The following PLXDC2 variants were observed in gnomAD, a reference collection of about 807,000 sequenced individuals.
PLXDC2 encodes the protein plexin domain-containing protein 2.
PLXDC2 carries 40 observed loss-of-function variants against 68.9 expected under a neutral mutation model. The ratio of observed to expected loss-of-function variants is 0.58; its 90% confidence interval spans 0.45 to 0.76. The LOEUF is 0.76. Ranked by LOEUF, PLXDC2 falls within the 30% of genes least tolerant of loss-of-function variation. PLXDC2 has a pLI of 0.00. For synonymous variants in PLXDC2, 243 were observed against 234.2 expected, an observed-to-expected ratio of 1.04 and a Z score of -0.34; for missense variants, 644 against 661.9, an observed-to-expected ratio of 0.97 and a Z score of 0.30.
At chr10:20,021,581 C>A (rs12761089) in intron 2 of PLXDC2, among the ~76,000 whole-genome samples, 1 of 152,076 alleles carries the variant, frequency 6.6e-6, no homozygotes, top group South Asian at 2.1e-4. Context: ...AATAAGGCCA[C>A]CCCCTCTTGT....
At chr10:20,096,970 A>C (rs1204021927) in intron 4 of PLXDC2, among the ~76,000 whole-genome samples, 1 of 152,158 alleles carries the variant, frequency 6.6e-6, no homozygotes, top group Non-Finnish European at 1.5e-5. Flanking sequence ...AAATTTCAGA[A>C]CAACAGTTTT....
At chr10:19,984,244 G>A (rs925265056) in intron 1 of PLXDC2, among the ~76,000 whole-genome samples, 6 of 152,110 alleles carry the variant, frequency 3.9e-5, no homozygotes, top group Non-Finnish European at 7.4e-5. Context: ...CTGGTGTTGG[G>A]GCAGGTGTGT....
intron 13 of PLXDC2, among the ~76,000 whole-genome samples, chr10:20,259,617 G>T (rs1835784965): frequency 6.6e-6 from 1 of 152,168 alleles, no homozygotes; most frequent in African/African-American, 2.4e-5. Flanking sequence ...GTGAGAGAAA[G>T]CAAAGGGAAT....
Position 20,280,264 on chromosome 10 carries a change from A to G in PLXDC2, c.*445A>G, listed in dbSNP as rs2119399342. 6.5e-6 allele frequency: 1 copy of G among 154,408 alleles called. No homozygotes were observed. Among genetic ancestry groups the G allele is most frequent in the East Asian group, 1.9e-4 (1 of 5,206 alleles). 9.6% of individuals were successfully genotyped at this position (154,408 alleles called of 1,614,324 possible). A position where few individuals can be genotyped will look rare whatever the true frequency, so the allele number is the denominator to read the frequency against. On this transcript the variant is annotated 3_prime_UTR_variant, in exon 14 of 14. Transcript: ENST00000377252. ...CAAAGCCTGAACCCTTTCACTCAAA[A>G]GAGCAATGATGAATGTCTCAAGATT...
intron 3 of PLXDC2, among the ~76,000 whole-genome samples, chr10:20,061,857 T>C (rs1180531029): frequency 6.6e-6 from 1 of 152,196 alleles, no homozygotes; most frequent in Admixed American, 6.5e-5. Context: ...CCAGAATCGG[T>C]TTAAGTCTTT....
At chr10:20,029,662 A>AT (rs757715054) in intron 2 of PLXDC2, among the ~76,000 whole-genome samples, 6 of 152,084 alleles carry the variant, frequency 3.9e-5, no homozygotes, top group South Asian at 2.1e-4. Context: ...CTATCTTGTA[A>AT]TTTTTTTTAC....
chr10:19,829,034 C>A (rs1836629999), intron 1 of PLXDC2, among the ~76,000 whole-genome samples: 1 of 152,082 alleles, frequency 6.6e-6, no homozygotes, highest in Admixed American at 6.6e-5. Context: ...GGTATCTGGT[C>A]CTGTTTGACC....
At chr10:20,021,448 C>G (rs957635062) in intron 2 of PLXDC2, among the ~76,000 whole-genome samples, 5 of 151,842 alleles carry the variant, frequency 3.3e-5, no homozygotes, top group African/African-American at 9.7e-5. Flanking sequence ...TAATTTTATC[C>G]TGTTTTAAGT....
chr10:20,057,628 C>T (rs2884577), intron 3 of PLXDC2, among the ~76,000 whole-genome samples: 10,694 of 151,914 alleles, frequency 0.07, 729 homozygotes, highest in East Asian at 0.22. Flanking sequence ...AAAATGCCAA[C>T]GGGACTGGAA....
In PLXDC2 at chr10:19,817,110, G is replaced by A. The variant is rs868692501; in HGVS notation, c.31G>A (p.Ala11Thr). Residue 11 changes from alanine (A) to threonine (T), a missense_variant, in exon 1 of 14, where the codon GCT becomes ACT. By Grantham distance (58) the Ala-to-Thr change is moderately conservative (BLOSUM62 0). This residue lies in a region of PLXDC2 where 201 missense variants were observed against 166.9 expected (regional missense o/e 1.20). Transcript: ENST00000377252. MARFPKADLA[A>T]AGVMLLCHFF... ...GAGGTTCCCGAAGGCCGACCTGGCCGCTGCAGGAGTTATGTTACTTTGCCA... is the reference window on the plus strand; with the variant it reads ...GAGGTTCCCGAAGGCCGACCTGGCCACTGCAGGAGTTATGTTACTTTGCCA... The A allele has an allele frequency of 6.4e-7, 1 of 1,564,908 alleles. No homozygotes were observed. Among genetic ancestry groups the A allele is most frequent in the South Asian group, 1.2e-5 (1 of 85,842 alleles).
rs554414595 is a variant in PLXDC2 at position 20,021,886 on chromosome 10, A to G, written c.324+19900A>G. Among the ~76,000 whole-genome samples the G allele has an allele frequency of 1.2e-4, 19 of 152,032 alleles. No homozygotes were observed. The South Asian group carries it at 3.9e-3, about 32-fold the overall frequency. ...GCTAATTTTTGTATTTTTAGTAGAG[A>G]CAGGGCTTCACCACGTTGGTCAGGC... On this transcript the variant is annotated intron_variant, in intron 2 of 13. Transcript: ENST00000377252.
intron 13 of PLXDC2, among the ~76,000 whole-genome samples, chr10:20,266,233 G>T (rs902296180): frequency 6.6e-6 from 1 of 152,000 alleles, no homozygotes; most frequent in Non-Finnish European, 1.5e-5. Flanking sequence ...AGAAAAAGTG[G>T]TTTATAGAAA....
intron 4 of PLXDC2, among the ~76,000 whole-genome samples, chr10:20,109,016 A>G (rs1833525685): frequency 6.6e-6 from 1 of 152,230 alleles, no homozygotes; most frequent in Admixed American, 6.5e-5. Context: ...AAGGAGAAAA[A>G]GAAGAACTTT....
At position 20,014,610 on chromosome 10, in the gene PLXDC2, T is replaced by G. The variant is rs78045901; in HGVS notation, c.324+12624T>G. 5.1e-3 allele frequency among the ~76,000 whole-genome samples: 774 copies of G among 152,288 alleles called. 8 individuals are homozygous for G. The highest frequency in any genetic ancestry group is 0.018 in the African/African-American group (750 of 41,556). On this transcript the variant is annotated intron_variant, in intron 2 of 13. Coordinates refer to ENST00000377252, the MANE Select transcript of PLXDC2 (RefSeq NM_032812.9). ...CTAAAATGGAAATTAAAATTACTTT[T>G]GCCGTGAGAGTCAAAATGTTATTTT...
intron 9 of PLXDC2, among the ~76,000 whole-genome samples, chr10:20,202,831 G>A (rs1461275475): frequency 1.3e-5 from 2 of 152,096 alleles, no homozygotes; most frequent in Non-Finnish European, 2.9e-5. Flanking sequence ...TAATAATCTA[G>A]CTAGAGTTGC....
chr10:19,985,744 A>G (rs1214083836), intron 1 of PLXDC2, among the ~76,000 whole-genome samples: 1 of 152,204 alleles, frequency 6.6e-6, no homozygotes, highest in Non-Finnish European at 1.5e-5. Flanking sequence ...TACTCAAGCA[A>G]TCTATTTTGA....
At chr10:20,012,612 C>T (rs949095889) in intron 2 of PLXDC2, among the ~76,000 whole-genome samples, 3 of 151,964 alleles carry the variant, frequency 2.0e-5, no homozygotes, top group Admixed American at 2.0e-4. Flanking sequence ...ACGCGTCAAC[C>T]ACCGCATCTG....
intron 4 of PLXDC2, among the ~76,000 whole-genome samples, chr10:20,122,867 C>T: frequency 6.6e-6 from 1 of 152,102 alleles, no homozygotes; most frequent in East Asian, 1.9e-4. Flanking sequence ...TAATAAAATG[C>T]ATTTTGAGAA....
At chr10:19,880,801 A>G (rs1837713246) in intron 1 of PLXDC2, among the ~76,000 whole-genome samples, 1 of 152,180 alleles carries the variant, frequency 6.6e-6, no homozygotes, top group African/African-American at 2.4e-5. Flanking sequence ...GTTTAATTTC[A>G]ATTTCTGCAT....
Sources: allele counts gnomAD v4.1 joint callset (sites outside exome capture counted in the v4.1 genomes callset), GRCh38; gene constraint gnomAD v4.1.1; regional missense constraint gnomAD v4.1.1; transcripts MANE v1.5; gene names NCBI Gene and HGNC (gene_info 2026-07-23, HGNC 2026-07-21).